The following PLCG2 variants were observed in gnomAD, a reference collection of about 807,000 sequenced individuals.
PLCG2 encodes phospholipase C gamma 2.
A neutral mutation model predicts 175.6 loss-of-function variants in PLCG2; 69 were observed. That is an observed-to-expected ratio of 0.39 (90% CI 0.32 to 0.48). The LOEUF (loss-of-function observed/expected upper bound fraction) is 0.48, where lower values mean the gene tolerates loss of function less well. Among genes scored for constraint, PLCG2 ranks in the 20% least tolerant of loss-of-function variants. The pLI, the probability that PLCG2 is intolerant of heterozygous loss-of-function variation, is 0.91. For synonymous variants in PLCG2, 827 were observed against 624.0 expected (o/e 1.33, Z -4.85); for missense variants, 1,798 against 1,650.9 (o/e 1.09, Z -1.54).
intron 11 of PLCG2, among the ~76,000 whole-genome samples, chr16:81,892,572 C>G (rs1003649985): frequency 6.6e-6 from 1 of 152,070 alleles, no homozygotes; most frequent in African/African-American, 2.4e-5. Flanking sequence ...CTCTTCCCCA[C>G]CATGCCCATC....
At chr16:81,798,136 C>A (rs1911556289) in intron 2 of PLCG2, among the ~76,000 whole-genome samples, 1 of 152,114 alleles carries the variant, frequency 6.6e-6, no homozygotes, top group Non-Finnish European at 1.5e-5. Context: ...TGGCCTGAGT[C>A]TCAGTTTTCT....
At chr16:81,895,467 G>T (rs1189436646) in intron 12 of PLCG2, among the ~76,000 whole-genome samples, 5 of 152,102 alleles carry the variant, frequency 3.3e-5, no homozygotes, top group African/African-American at 7.2e-5. Context: ...GGCTGAGGCA[G>T]GGGAATTGCT....
chr16:81,929,109 T>C (rs990155909), intron 24 of PLCG2, among the ~76,000 whole-genome samples: 3 of 152,240 alleles, frequency 2.0e-5, no homozygotes, highest in Non-Finnish European at 2.9e-5. Context: ...CCCGCCCACG[T>C]TGACCATGCT....
intron 1 of PLCG2, among the ~76,000 whole-genome samples, chr16:81,751,639 G>T (rs145264426): frequency 6.0e-4 from 91 of 152,282 alleles, no homozygotes; most frequent in Non-Finnish European, 1.1e-3. Context: ...TCACAAAAAA[G>T]TTAAGTGTTT....
Position 81,833,381 on chromosome 16 carries a change from G to A in PLCG2, c.194-21063G>A, listed in dbSNP as rs988961754. 7.9e-5 allele frequency among the ~76,000 whole-genome samples: 12 copies of A among 152,116 alleles called. 2 individuals carry two copies. Among genetic ancestry groups the A allele is most frequent in the Admixed American group, 7.9e-4 (12 of 15,274 alleles). On this transcript the variant is annotated intron_variant, in intron 2 of 32. Transcript: ENST00000564138. ...TGGACTGTGGCTCCGGTCGGTACAC[G>A]GGTCCTGAGCCAGTATTCTGGCCCG... is the stretch of plus-strand genomic sequence containing the variant.
chr16:81,771,475 C>G lies in PLCG2; in HGVS notation c.-47-14468C>G, dbSNP rs1331305450. 2.6e-5 allele frequency among the ~76,000 whole-genome samples: 4 copies of G among 152,138 alleles called. No homozygotes were observed. The East Asian group carries it at 5.8e-4, about 22-fold the overall frequency. ...AGAACTCTTGCTCATCCCTCAGGAC[C>G]CAGTTCTGAGGTTACCTCCTCTGAG... On this transcript the variant is annotated intron_variant, in intron 2 of 5. Transcript: ENST00000565054.
intron 8 of PLCG2, among the ~76,000 whole-genome samples, chr16:81,882,974 C>G (rs1348528025): frequency 1.3e-5 from 2 of 152,132 alleles, no homozygotes; most frequent in African/African-American, 4.8e-5. Context: ...CATGGCCACA[C>G]TCCTGGAGGG....
chr16:81,779,729 G>A (rs946997180), intron 1 of PLCG2, among the ~76,000 whole-genome samples: 3 of 152,176 alleles, frequency 2.0e-5, no homozygotes, highest in Admixed American at 2.0e-4. Context: ...GTCGTGTGGG[G>A]GCTGGCGTTC....
chr16:81,807,519 TGACA>T (rs1904286711), intron 2 of PLCG2, among the ~76,000 whole-genome samples: 1 of 152,250 alleles, frequency 6.6e-6, no homozygotes, highest in Non-Finnish European at 1.5e-5. Flanking sequence ...CCATAAGAGC[TGACA>T]TTTATGTAGT....
intron 29 of PLCG2, 37 bp downstream of exon 29, chr16:81,938,952 TC>T: frequency 8.3e-7 from 1 of 1,199,302 alleles, no homozygotes; most frequent in South Asian, 1.3e-5. Flanking sequence ...CTTTTAAACG[TC>T]CGGCCAGTGA....
chr16:81,907,095 A>T (rs139649028), intron 15 of PLCG2, among the ~76,000 whole-genome samples: 263 of 152,104 alleles, frequency 1.7e-3, no homozygotes, highest in Middle Eastern at 0.014. Flanking sequence ...TACATATGTA[A>T]GAAACCTGCA....
chr16:81,805,467 T>C (rs1331214020), intron 2 of PLCG2, among the ~76,000 whole-genome samples: 2 of 141,020 alleles, frequency 1.4e-5, no homozygotes, highest in Non-Finnish European at 3.0e-5. Context: ...CCACTGCACT[T>C]CAGCCTGGGT....
At chr16:81,853,199 C>T (rs1380032444) in intron 2 of PLCG2, among the ~76,000 whole-genome samples, 1 of 152,126 alleles carries the variant, frequency 6.6e-6, no homozygotes, top group Non-Finnish European at 1.5e-5. Flanking sequence ...GGCATGGTGG[C>T]ACATGCCTGT....
chr16:81,807,604 A>G (rs115399341), intron 2 of PLCG2, among the ~76,000 whole-genome samples: 4,001 of 152,288 alleles, frequency 0.026, 147 homozygotes, highest in African/African-American at 0.093. Flanking sequence ...CCACAACTGT[A>G]TGTGTTCAAT....
intron 2 of PLCG2, among the ~76,000 whole-genome samples, chr16:81,797,217 C>T (rs1432617368): frequency 6.6e-6 from 1 of 151,712 alleles, no homozygotes; most frequent in Non-Finnish European, 1.5e-5. Context: ...GGTCCAACGT[C>T]TTAGGGATTG....
At position 81,921,054 on chromosome 16, in the gene PLCG2, C is replaced by T. The variant is rs1910040421; in HGVS notation, c.2236-144C>T. On this transcript the variant is annotated intron_variant, in intron 20 of 32. Transcript: ENST00000564138. ...TTTATAGCTTCTTCCTGTGTCTACT[C>T]ATGGGCCAAAAGAAAATTCTATGAG... 1.4e-5 allele frequency: 8 copies of T among 575,080 alleles called. No homozygotes were observed. In the South Asian group the frequency reaches 1.7e-4, roughly 12 times the overall value. The allele number at this position is 575,080 out of a possible 1,614,324, so 35.6% of individuals were successfully genotyped here.
intron 14 of PLCG2, 57 bp downstream of exon 14, chr16:81,900,837 C>T (rs940270951): frequency 4.1e-5 from 61 of 1,503,620 alleles, no homozygotes; most frequent in African/African-American, 1.1e-4. Context: ...CTCGGTTCCC[C>T]GGCTCTGGGT....
At chr16:81,861,837 C>T (rs766168168) in intron 5 of PLCG2, among the ~76,000 whole-genome samples, 1 of 152,218 alleles carries the variant, frequency 6.6e-6, no homozygotes, top group Non-Finnish European at 1.5e-5. Context: ...GGATACCACC[C>T]TCTTGCTCAG....
chr16:81,803,007 C>G (rs1022570675), intron 2 of PLCG2, among the ~76,000 whole-genome samples: 3 of 152,068 alleles, frequency 2.0e-5, no homozygotes, highest in African/African-American at 7.2e-5. Flanking sequence ...TAGCAGTCAC[C>G]TCTACTTTAC....
Sources: gnomAD v4.1 joint callset for allele counts (sites outside exome capture counted in the v4.1 genomes callset) on GRCh38, gnomAD v4.1.1 for gene constraint, MANE v1.5 for transcripts, NCBI Gene and HGNC (gene_info 2026-07-23, HGNC 2026-07-21) for gene names.